Variants in ETV5 observed in about 807,000 individuals in gnomAD.
ETV5 encodes ETS translocation variant 5.
In ETV5, 10 loss-of-function variants were observed where a neutral mutation model predicts 70.0. The ratio of observed to expected loss-of-function variants is 0.14; its 90% confidence interval spans 0.09 to 0.24. ETV5 has a LOEUF of 0.24. Among genes scored for constraint, ETV5 ranks in the 10% least tolerant of loss-of-function variants. ETV5 has a pLI of 1.00. For synonymous variants in ETV5, 216 were observed against 242.2 expected (o/e 0.89, Z 1.01); for missense variants, 453 against 651.2 (o/e 0.70, Z 3.31).
intron 5 of ETV5, among the ~76,000 whole-genome samples, chr3:186,091,806 T>C (rs1375281728): frequency 6.6e-6 from 1 of 152,204 alleles, no homozygotes; most frequent in East Asian, 1.9e-4. Context: ...TACATTGGTA[T>C]AGGAATAAGA....
At chr3:186,056,941 CCA>C in intron 11 of ETV5, 132 bp downstream of exon 11, 1 of 970,504 alleles carries the variant, frequency 1.0e-6, no homozygotes, top group Non-Finnish European at 1.5e-6. Context: ...ACAGCCAAGC[CCA>C]CTGGCCAGGC....
At chr3:186,102,866 G>A (rs1434313531) in intron 5 of ETV5, among the ~76,000 whole-genome samples, 3 of 152,118 alleles carry the variant, frequency 2.0e-5, no homozygotes, top group African/African-American at 4.8e-5. Flanking sequence ...GCATGCAGCC[G>A]GCTGTGGGCT....
intron 5 of ETV5, among the ~76,000 whole-genome samples, chr3:186,103,733 G>A (rs1714522588): frequency 6.6e-6 from 1 of 151,572 alleles, no homozygotes; most frequent in African/African-American, 2.4e-5. Context: ...GCAATCAAAG[G>A]GCAATAATTA....
chr3:186,070,106 C>T (rs749408506), intron 7 of ETV5, among the ~76,000 whole-genome samples: 11 of 152,232 alleles, frequency 7.2e-5, no homozygotes, highest in Non-Finnish European at 1.5e-4. Context: ...GCCACGGCGC[C>T]CGGCCGAAGA....
intron 5 of ETV5, among the ~76,000 whole-genome samples, chr3:186,101,959 G>C (rs1714468492): frequency 6.6e-6 from 1 of 152,152 alleles, no homozygotes; most frequent in South Asian, 2.1e-4. Context: ...TGACCTTTCA[G>C]AGTCTCCATG....
intron 5 of ETV5, among the ~76,000 whole-genome samples, chr3:186,090,250 C>A (rs762957655): frequency 2.0e-5 from 3 of 152,158 alleles, no homozygotes; most frequent in Non-Finnish European, 2.9e-5. Flanking sequence ...GGGAATCTAG[C>A]CTTACACAAG....
intron 7 of ETV5, among the ~76,000 whole-genome samples, chr3:186,073,591 TCCAGGCAACC>T (rs1713699467): frequency 6.6e-6 from 1 of 152,108 alleles, no homozygotes; most frequent in Non-Finnish European, 1.5e-5. Flanking sequence ...AATCATATAG[TCCAGGCAACC>T]AGAAAAATCT....
rs928026355 is a variant in ETV5, at chr3:186,047,146, C to A, written c.*1493G>T. The A allele has an allele frequency of 2.2e-4, 50 of 229,286 alleles. No homozygotes were observed. The highest frequency in any genetic ancestry group is 5.6e-4 in the East Asian group (9 of 15,982). 14.2% of individuals were successfully genotyped at this position (229,286 alleles called of 1,614,324 possible). A position where few individuals can be genotyped will look rare whatever the true frequency, so the allele number is the denominator to read the frequency against. ...TAAGTGTCACGGGGAGCACAGAATT[C>A]TACCAGCAGAGCAGGCAGCAAGGTA... On this transcript the variant is annotated 3_prime_UTR_variant, in exon 13 of 13. Transcript: ENST00000306376.
intron 9 of ETV5, 22 bp downstream of exon 9, chr3:186,064,395 G>C: frequency 6.2e-7 from 1 of 1,604,652 alleles, no homozygotes; most frequent in Non-Finnish European, 8.5e-7. Flanking sequence ...GAGAGAAGAG[G>C]AAAGAAAAGC....
intron 12 of ETV5, among the ~76,000 whole-genome samples, chr3:186,049,983 C>T (rs1435626507): frequency 6.6e-6 from 1 of 152,144 alleles, no homozygotes; most frequent in Non-Finnish European, 1.5e-5. Flanking sequence ...CATGGGACTA[C>T]AGCTTTTCTA....
chr3:186,092,957 A>G (rs1578558447), intron 5 of ETV5, among the ~76,000 whole-genome samples: 1 of 152,350 alleles, frequency 6.6e-6, no homozygotes, highest in East Asian at 1.9e-4. Flanking sequence ...TGCTGGCTGT[A>G]TATAGAACTG....
intron 5 of ETV5, among the ~76,000 whole-genome samples, chr3:186,098,474 C>T (rs1054826159): frequency 6.6e-6 from 1 of 152,158 alleles, no homozygotes; most frequent in Non-Finnish European, 1.5e-5. Context: ...AGGGGACAAG[C>T]TACCTATTAA....
chr3:186,091,375 C>G (rs555422145), intron 5 of ETV5, among the ~76,000 whole-genome samples: 152 of 152,262 alleles, frequency 1.0e-3, no homozygotes, highest in African/African-American at 3.5e-3. Flanking sequence ...CGGCAAGAAC[C>G]AAAGGACTGA....
At chr3:186,074,404 TAA>T (rs1560050170) in intron 7 of ETV5, among the ~76,000 whole-genome samples, 1 of 152,144 alleles carries the variant, frequency 6.6e-6, no homozygotes, top group Non-Finnish European at 1.5e-5. Flanking sequence ...GTTCAAGGAA[TAA>T]AGACTTCCAA....
chr3:186,081,243 T>C, intron 5 of ETV5, 68 bp from the exon 6 acceptor site: 1 of 1,466,152 alleles, frequency 6.8e-7, no homozygotes, highest in Non-Finnish European at 9.2e-7. Context: ...GCACAATGCT[T>C]CCTTCTGCAA....
chr3:186,068,246 C>G (rs941216556), intron 7 of ETV5, among the ~76,000 whole-genome samples: 2 of 152,120 alleles, frequency 1.3e-5, no homozygotes, highest in Non-Finnish European at 2.9e-5. Flanking sequence ...TTAGAAATTA[C>G]ATAATATGTA....
Position 186,105,952 on chromosome 3 carries a change from G to T in ETV5, c.-74-10C>A. ...GGGAAAAGGGATCCTCCTGTAATATGAATTTGGGAGATTTTAACTAAGAGG... is the reference window on the plus strand; with the variant it reads ...GGGAAAAGGGATCCTCCTGTAATATTAATTTGGGAGATTTTAACTAAGAGG... On this transcript the variant is annotated splice_polypyrimidine_tract_variant and intron_variant, in intron 1 of 12. Coordinates refer to ENST00000306376, the MANE Select transcript of ETV5 (RefSeq NM_004454.3). This position sits in a 1 kb window ranked among gnomAD's most constrained non-coding sequence, Gnocchi z 4.5. The T allele has an allele frequency of 6.5e-7, 1 of 1,534,678 alleles. No homozygotes were observed. Among genetic ancestry groups the T allele is most frequent in the Non-Finnish European group, 8.9e-7 (1 of 1,126,954 alleles).
chr3:186,069,696 C>T (rs1713554084), intron 7 of ETV5, among the ~76,000 whole-genome samples: 3 of 152,102 alleles, frequency 2.0e-5, no homozygotes, highest in Non-Finnish European at 4.4e-5. Flanking sequence ...GGGGTTTCAC[C>T]ATGTTGGCCA....
In ETV5 at chr3:186,079,457, A is replaced by G. The variant is rs767951697; in HGVS notation, c.650+360T>C. The G allele has an allele frequency of 3.9e-5, 10 of 258,966 alleles. 1 individual carries two copies. The highest frequency in any genetic ancestry group is 2.4e-4 in the South Asian group (2 of 8,452). The allele number at this position is 258,966 out of a possible 1,614,324, so 16.0% of individuals were successfully genotyped here. On this transcript the variant is annotated intron_variant, in intron 7 of 12. Coordinates refer to ENST00000306376, the MANE Select transcript of ETV5 (RefSeq NM_004454.3). ...GTGAAATGGTAATAACTGAAGTTCA[A>G]TTCTATTAATAGTAGGCAGCATCCA... is the stretch of plus-strand genomic sequence containing the variant.
Sources: allele counts gnomAD v4.1 joint callset (sites outside exome capture counted in the v4.1 genomes callset), GRCh38; gene constraint gnomAD v4.1.1; non-coding constraint Gnocchi (gnomAD v3.1); transcripts MANE v1.5; gene names NCBI Gene and HGNC (gene_info 2026-07-23, HGNC 2026-07-21).